Variants in COG5 observed in about 807,000 individuals in gnomAD.
The protein encoded by COG5 is conserved oligomeric Golgi complex subunit 5.
Under a neutral mutation model 110.4 loss-of-function variants are expected in COG5, and 86 were observed. The observed-to-expected ratio is 0.78, with a 90% CI of 0.65 to 0.93. The LOEUF (loss-of-function observed/expected upper bound fraction) is 0.93. Among genes scored for constraint, COG5 ranks in the 40% least tolerant of loss-of-function variants. The pLI, the probability that COG5 is intolerant of heterozygous loss-of-function variation, is 0.00. For synonymous variants in COG5, 360 were observed against 334.6 expected (o/e 1.08, Z -0.83); for missense variants, 1,077 against 987.0 (o/e 1.09, Z -1.22).
At chr7:107,419,339 A>G (rs1237179075) in intron 6 of COG5, among the ~76,000 whole-genome samples, 1 of 152,062 alleles carries the variant, frequency 6.6e-6, no homozygotes, top group East Asian at 1.9e-4. Flanking sequence ...CTCACAATAT[A>G]TAAAACCAAT....
At chr7:107,448,658 A>G (rs999790084) in intron 6 of COG5, among the ~76,000 whole-genome samples, 6 of 152,198 alleles carry the variant, frequency 3.9e-5, no homozygotes, top group Admixed American at 2.0e-4. Flanking sequence ...TTAGCTCTCT[A>G]CACTTGGATG....
chr7:107,553,209 A>C (rs1321522876), intron 3 of COG5, among the ~76,000 whole-genome samples: 3 of 152,146 alleles, frequency 2.0e-5, no homozygotes, highest in African/African-American at 7.2e-5. Context: ...CTCAGGTACA[A>C]ACCTACACAT....
In COG5 at chr7:107,236,615, G is replaced by A; in HGVS notation, c.1926C>T (p.Ala642=). The change falls in exon 18 of 22, where the codon GCC becomes GCT. Residue 642 remains alanine, a synonymous_variant. Coordinates refer to ENST00000297135, the MANE Select transcript of COG5 (RefSeq NM_006348.5). The part of the protein sequence containing the change: ...LYMKELQGFI[A]RVMSDYFKHF... Reference sequence around the variant, plus strand: ...GTTTAAAATAGTCACTCATAACTCTGGCAATGAAACCTTGTAGCTCCTTCA... The same window carrying A: ...GTTTAAAATAGTCACTCATAACTCTAGCAATGAAACCTTGTAGCTCCTTCA... The A allele has an allele frequency of 6.2e-7, 1 of 1,614,008 alleles. No individual in the cohort carries two copies. The highest frequency in any genetic ancestry group is 8.5e-7 in the Non-Finnish European group (1 of 1,179,962).
chr7:107,434,758 C>T (rs181932977), intron 6 of COG5, among the ~76,000 whole-genome samples: 101 of 152,178 alleles, frequency 6.6e-4, no homozygotes, highest in African/African-American at 2.3e-3. Context: ...ATCACTAGGT[C>T]AGGAGATCAA....
At chr7:107,563,320 A>G (rs1236891372) in intron 1 of COG5, among the ~76,000 whole-genome samples, 3 of 152,024 alleles carry the variant, frequency 2.0e-5, no homozygotes, top group African/African-American at 7.2e-5. Context: ...ACCAGCCTGT[A>G]AGAGGGGTCA....
intron 6 of COG5, among the ~76,000 whole-genome samples, chr7:107,513,875 A>G (rs1411787337): frequency 1.3e-5 from 2 of 151,522 alleles, no homozygotes; most frequent in Non-Finnish European, 2.9e-5. Flanking sequence ...AGGAAGGGGA[A>G]CATCACACTC....
chr7:107,486,388 C>T (rs1797658751), intron 6 of COG5, among the ~76,000 whole-genome samples: 3 of 151,918 alleles, frequency 2.0e-5, no homozygotes. Context: ...CCAGATACAT[C>T]ACCGAGACTT....
chr7:107,376,103 T>G (rs1013924870), intron 7 of COG5, among the ~76,000 whole-genome samples: 12 of 152,030 alleles, frequency 7.9e-5, no homozygotes, highest in Admixed American at 4.6e-4. Context: ...ACCTTTGCAA[T>G]AAACCAAGTT....
intron 5 of COG5, among the ~76,000 whole-genome samples, chr7:107,541,493 T>C (rs976017801): frequency 9.3e-5 from 3 of 32,158 alleles, no homozygotes; most frequent in African/African-American, 4.5e-4. Context: ...TGAGACCCTG[T>C]CTCAAAAAAA....
At chr7:107,283,842 C>T (rs1805395691) in intron 12 of COG5, 110 bp from the exon 13 acceptor site, 2 of 743,412 alleles carry the variant, frequency 2.7e-6, no homozygotes, top group Non-Finnish European at 4.7e-6. Flanking sequence ...AAAAATGTAA[C>T]TCTATATTAA....
At chr7:107,364,149 T>A (rs561010177) in intron 8 of COG5, among the ~76,000 whole-genome samples, 1 of 152,214 alleles carries the variant, frequency 6.6e-6, no homozygotes, top group African/African-American at 2.4e-5. Flanking sequence ...TTTCCTGATA[T>A]GATGTAATAG....
intron 2 of COG5, among the ~76,000 whole-genome samples, chr7:107,556,017 G>GAAAA (rs796585809): frequency 9.5e-6 from 1 of 105,072 alleles, no homozygotes; most frequent in Non-Finnish European, 2.1e-5. Flanking sequence ...CTGTCTCAAA[G>GAAAA]AAAAAAAAAA....
chr7:107,396,223 T>G (rs1272480871), intron 7 of COG5, among the ~76,000 whole-genome samples: 2 of 152,168 alleles, frequency 1.3e-5, no homozygotes, highest in Non-Finnish European at 2.9e-5. Flanking sequence ...TTAAATACCA[T>G]AATTTAAAAG....
chr7:107,259,499 G>A (rs543742744), intron 14 of COG5, among the ~76,000 whole-genome samples: 2 of 152,248 alleles, frequency 1.3e-5, no homozygotes, highest in South Asian at 4.1e-4. Flanking sequence ...TCTGTGCCAA[G>A]GTGAGGAGGT....
At chr7:107,283,802 A>G in intron 12 of COG5, 70 bp from the exon 13 acceptor site, 1 of 1,127,612 alleles carries the variant, frequency 8.9e-7, no homozygotes, top group Admixed American at 1.8e-5. Flanking sequence ...ATCAGGCTGT[A>G]AATACCTTTT....
chr7:107,455,762 A>G (rs1294963563), intron 6 of COG5, among the ~76,000 whole-genome samples: 1 of 152,084 alleles, frequency 6.6e-6, no homozygotes, highest in Admixed American at 6.6e-5. Context: ...TTATGGAAGC[A>G]TTTATGAAAG....
At chr7:107,440,946 G>A (rs887148608) in intron 6 of COG5, among the ~76,000 whole-genome samples, 2 of 152,034 alleles carry the variant, frequency 1.3e-5, no homozygotes, top group East Asian at 3.9e-4. Context: ...AGCTCTGTGA[G>A]TTGTTCTAAA....
chr7:107,325,266 T>G (rs75653814), intron 10 of COG5, among the ~76,000 whole-genome samples: 1 of 152,358 alleles, frequency 6.6e-6, no homozygotes, highest in East Asian at 1.9e-4. Flanking sequence ...CCAAATACTT[T>G]AAGATACATC....
Position 107,508,002 on chromosome 7 carries a change from A to T in COG5, c.538+19235T>A, listed in dbSNP as rs117569784. Among the ~76,000 whole-genome samples, 42 of 152,330 alleles carry T rather than the reference A, an allele frequency of 2.8e-4. No individual in the cohort carries two copies. In the East Asian group the frequency reaches 5.0e-3, roughly 18 times the overall value. On this transcript the variant is annotated intron_variant, in intron 6 of 21. Transcript: ENST00000297135. The stretch of plus-strand genomic sequence containing the variant: ...CATTTCCATCTGAGGTATCGCGTTC[A>T]TCTCACTAGAGAGTGCCAGACAGTG...
Sources: gnomAD v4.1 joint callset for allele counts (sites outside exome capture counted in the v4.1 genomes callset) on GRCh38, gnomAD v4.1.1 for gene constraint, MANE v1.5 for transcripts, NCBI Gene and HGNC (gene_info 2026-07-23, HGNC 2026-07-21) for gene names.